The following RAI14 variants were observed in gnomAD, a reference collection of about 807,000 sequenced individuals.
RAI14 encodes retinoic acid induced 14.
RAI14 carries 45 observed loss-of-function variants against 115.4 expected under a neutral mutation model. The observed-to-expected ratio is 0.39, with a 90% CI of 0.31 to 0.50. RAI14 has a LOEUF of 0.50. RAI14 is among the 20% of genes least tolerant of loss of function. The pLI, the probability that RAI14 is intolerant of heterozygous loss-of-function variation, is 0.85. For missense variants in RAI14, 939 were observed against 1,131.2 expected (o/e 0.83, Z 2.44); for synonymous variants, 371 against 415.4 (o/e 0.89, Z 1.30).
intron 3 of RAI14, among the ~76,000 whole-genome samples, chr5:34,795,306 C>A (rs1366086102): frequency 6.6e-6 from 1 of 152,182 alleles, no homozygotes; most frequent in African/African-American, 2.4e-5. Flanking sequence ...AGACACTTGC[C>A]ATCTAATGGA....
At chr5:34,700,426 G>C (rs991385727) in intron 2 of RAI14, among the ~76,000 whole-genome samples, 2 of 152,196 alleles carry the variant, frequency 1.3e-5, no homozygotes, top group Non-Finnish European at 2.9e-5. Flanking sequence ...AGTGGCTTTA[G>C]GTGGCAAGTG....
At chr5:34,788,819 A>G (rs1014013559) in intron 3 of RAI14, among the ~76,000 whole-genome samples, 1 of 152,056 alleles carries the variant, frequency 6.6e-6, no homozygotes, top group African/African-American at 2.4e-5. Context: ...AAACACAAAA[A>G]TTAGCCAGGC....
intron 2 of RAI14, among the ~76,000 whole-genome samples, chr5:34,753,355 T>C (rs1041089514): frequency 2.2e-4 from 33 of 152,288 alleles, no homozygotes; most frequent in Non-Finnish European, 4.0e-4. Flanking sequence ...TTTTTGAGAT[T>C]TTTTTTGATG....
At chr5:34,737,405 T>A (rs975550404) in intron 2 of RAI14, among the ~76,000 whole-genome samples, 2 of 152,142 alleles carry the variant, frequency 1.3e-5, no homozygotes, top group Non-Finnish European at 2.9e-5. Flanking sequence ...TGGGTAATTA[T>A]GGAGTTATTG....
chr5:34,799,493 GACACACAC>G (rs780186006), intron 4 of RAI14, among the ~76,000 whole-genome samples: 1,977 of 124,080 alleles, frequency 0.016, 36 homozygotes, highest in African/African-American at 0.049. Context: ...CACACACACA[GACACACAC>G]ACACACACAC....
At chr5:34,776,302 TATAAAAATA>T (rs1487014714) in intron 3 of RAI14, among the ~76,000 whole-genome samples, 8 of 152,128 alleles carry the variant, frequency 5.3e-5, no homozygotes, top group African/African-American at 1.9e-4. Context: ...GGTTAATGGG[TATAAAAATA>T]TAGTTAGATA....
chr5:34,793,379 A>G (rs1239449790), intron 3 of RAI14, among the ~76,000 whole-genome samples: 6 of 152,172 alleles, frequency 3.9e-5, no homozygotes, highest in East Asian at 1.9e-4. Flanking sequence ...ATAAAAGACT[A>G]TGTAATCCAG....
intron 2 of RAI14, among the ~76,000 whole-genome samples, chr5:34,728,858 G>T (rs1474229815): frequency 6.6e-6 from 1 of 151,950 alleles, no homozygotes; most frequent in Non-Finnish European, 1.5e-5. Flanking sequence ...GGAGTTTAAG[G>T]CTGCAGTGAG....
chr5:34,790,204 G>A (rs779429340), intron 3 of RAI14, among the ~76,000 whole-genome samples: 41 of 152,292 alleles, frequency 2.7e-4, no homozygotes, highest in Non-Finnish European at 5.9e-4. Flanking sequence ...AGGAGGCAGG[G>A]CTCCTATTTC....
intron 1 of RAI14, among the ~76,000 whole-genome samples, chr5:34,657,578 G>C (rs1170803123): frequency 7.2e-5 from 11 of 152,168 alleles, no homozygotes; most frequent in Non-Finnish European, 1.0e-4. Context: ...CCTCGCCTCG[G>C]GACCAGCGGC....
intron 1 of RAI14, among the ~76,000 whole-genome samples, chr5:34,681,856 C>CTTTCT (rs58823040): frequency 0.69 from 84,475 of 122,238 alleles, 29,524 homozygotes; most frequent in Middle Eastern, 0.79. Flanking sequence ...TTCTTTCTTT[C>CTTTCT]TTTTTTTTTT....
chr5:34,829,140 T>TACAC (rs35720177), intron 16 of RAI14, among the ~76,000 whole-genome samples: 90,929 of 150,976 alleles, frequency 0.6, 27,704 homozygotes, highest in Admixed American at 0.67. Flanking sequence ...TATACATATA[T>TACAC]ACACACATAT....
At chr5:34,718,020 A>C (rs1177126569) in intron 2 of RAI14, among the ~76,000 whole-genome samples, 2 of 151,866 alleles carry the variant, frequency 1.3e-5, no homozygotes, top group Non-Finnish European at 2.9e-5. Flanking sequence ...GAGAGGATGG[A>C]GAAAAGCTCA....
intron 2 of RAI14, among the ~76,000 whole-genome samples, chr5:34,689,998 G>A (rs2149893416): frequency 6.6e-6 from 1 of 152,308 alleles, no homozygotes; most frequent in Admixed American, 6.5e-5. Context: ...ATAAAAAGTA[G>A]GATTCAAAAA....
chr5:34,658,620 G>A (rs1379415359), intron 1 of RAI14, among the ~76,000 whole-genome samples: 4 of 151,914 alleles, frequency 2.6e-5, no homozygotes, highest in African/African-American at 9.7e-5. Context: ...GTGAAACCCC[G>A]TCTCTACTAA....
rs1758060084 is a variant in RAI14, at chr5:34,832,146, A to C, written c.*1381A>C. 6.6e-6 allele frequency: 1 copy of C among 152,520 alleles called. No individual in the cohort carries two copies. Among genetic ancestry groups the C allele is most frequent in the African/African-American group, 2.4e-5 (1 of 41,454 alleles). 9.4% of individuals were successfully genotyped at this position (152,520 alleles called of 1,614,324 possible). A position where few individuals can be genotyped will look rare whatever the true frequency, so the allele number is the denominator to read the frequency against. The stretch of plus-strand genomic sequence containing the variant: ...AATCCTGGACTCTCCAAAGTATTTA[A>C]CTGAAAGTAGGGCCTGCTCTGACAG... On this transcript the variant is annotated 3_prime_UTR_variant, in exon 18 of 18. Coordinates refer to ENST00000265109, the MANE Select transcript of RAI14 (RefSeq NM_015577.3).
chr5:34,753,839 A>G (rs1747491799), intron 2 of RAI14, among the ~76,000 whole-genome samples: 2 of 151,130 alleles, frequency 1.3e-5, no homozygotes, highest in Admixed American at 1.3e-4. Flanking sequence ...GCTTGAACCC[A>G]GGAAGCGGAG....
chr5:34,820,494 C>T (rs778712255), intron 13 of RAI14, among the ~76,000 whole-genome samples: 24 of 152,138 alleles, frequency 1.6e-4, no homozygotes, highest in African/African-American at 2.4e-5. Context: ...TGCCTGTAGT[C>T]CCAGCTACTT....
chr5:34,817,146 G>A (rs1358863462), intron 12 of RAI14, among the ~76,000 whole-genome samples: 1 of 151,536 alleles, frequency 6.6e-6, no homozygotes, highest in South Asian at 2.1e-4. Flanking sequence ...GTGTGGTGGC[G>A]GGCACCTGTA....
Sources: allele counts gnomAD v4.1 joint callset (sites outside exome capture counted in the v4.1 genomes callset), GRCh38; gene constraint gnomAD v4.1.1; transcripts MANE v1.5; gene names NCBI Gene and HGNC (gene_info 2026-07-23, HGNC 2026-07-21).